The following ATXN1 variants were observed in gnomAD, a reference collection of about 807,000 sequenced individuals.
ATXN1 encodes the protein ataxin-1.
Under a neutral mutation model 56.4 loss-of-function variants are expected in ATXN1, and 8 were observed. That is an observed-to-expected ratio of 0.14 (90% CI 0.08 to 0.26). The LOEUF (loss-of-function observed/expected upper bound fraction) is 0.26. ATXN1 is among the 10% of genes least tolerant of loss of function. ATXN1 has a pLI of 1.00. For synonymous variants in ATXN1, 514 were observed against 494.6 expected, an observed-to-expected ratio of 1.04 and a Z score of -0.52; for missense variants, 987 against 1,106.5, an observed-to-expected ratio of 0.89 and a Z score of 1.53.
chr6:16,425,673 C>T lies in ATXN1; in HGVS notation c.-161+60299G>A, dbSNP rs531775415. ...AGATTTCCTAAGTTCTCATGCTATC[C>T]CACCTCCTGCTTGTGTTACTCACTA... On this transcript the variant is annotated intron_variant, in intron 6 of 7. Coordinates refer to ENST00000436367, the MANE Select transcript of ATXN1 (RefSeq NM_001128164.2). Among the ~76,000 whole-genome samples, 12 of 152,106 alleles carry T rather than the reference C, an allele frequency of 7.9e-5. No homozygotes were observed. In the South Asian group the frequency reaches 2.5e-3, roughly 32 times the overall value.
At chr6:16,493,392 C>A (rs1246406224) in intron 5 of ATXN1, among the ~76,000 whole-genome samples, 1 of 152,022 alleles carries the variant, frequency 6.6e-6, no homozygotes, top group African/African-American at 2.4e-5. Context: ...AGCTCAAATC[C>A]CACTTTTTCT....
At chr6:16,662,091 A>G (rs1758331726) in intron 2 of ATXN1, among the ~76,000 whole-genome samples, 1 of 152,174 alleles carries the variant, frequency 6.6e-6, no homozygotes, top group Admixed American at 6.5e-5. Flanking sequence ...ACAGTGGGAG[A>G]AACTGAGCCC....
chr6:16,397,076 T>C (rs1180888381), intron 6 of ATXN1, among the ~76,000 whole-genome samples: 1 of 152,204 alleles, frequency 6.6e-6, no homozygotes, highest in Non-Finnish European at 1.5e-5. Context: ...CATTATTAAG[T>C]GATGCACGAC....
At chr6:16,745,933 C>CGT (rs60773814) in intron 2 of ATXN1, among the ~76,000 whole-genome samples, 16,879 of 147,008 alleles carry the variant, frequency 0.11, 999 homozygotes, top group South Asian at 0.14. Flanking sequence ...CTATGCCTTC[C>CGT]GTGTGTGTGT....
chr6:16,521,328 C>T (rs1761283950), intron 5 of ATXN1, among the ~76,000 whole-genome samples: 1 of 152,210 alleles, frequency 6.6e-6, no homozygotes, highest in South Asian at 2.1e-4. Context: ...CTTTGGGAGG[C>T]CGAGGCGGAT....
intron 5 of ATXN1, among the ~76,000 whole-genome samples, chr6:16,510,116 C>T (rs138964995): frequency 1.3e-5 from 2 of 152,310 alleles, no homozygotes; most frequent in East Asian, 3.9e-4. Flanking sequence ...CTGTCTTATG[C>T]CATACTTATT....
rs190109004 is a variant in ATXN1 at position 16,413,767 on chromosome 6, C to T, written c.-161+72205G>A. On this transcript the variant is annotated intron_variant, in intron 6 of 7. Coordinates refer to ENST00000436367, the MANE Select transcript of ATXN1 (RefSeq NM_001128164.2). Reference sequence around the variant, plus strand: ...GTGGTGGTCTGGGCTTTTTTACTGACGCAATGGCCCACCTGATATAATTTT... The same window carrying T: ...GTGGTGGTCTGGGCTTTTTTACTGATGCAATGGCCCACCTGATATAATTTT... Among the ~76,000 whole-genome samples, 24 of 152,156 alleles carry T rather than the reference C, an allele frequency of 1.6e-4. No homozygotes were observed. The East Asian group carries it at 2.7e-3, about 17-fold the overall frequency.
chr6:16,713,543 G>C (rs1759570666), intron 2 of ATXN1, among the ~76,000 whole-genome samples: 1 of 152,174 alleles, frequency 6.6e-6, no homozygotes, highest in African/African-American at 2.4e-5. Context: ...ATTCCAGACA[G>C]GGAAAGAATC....
At chr6:16,589,332 G>A (rs1762682489) in intron 3 of ATXN1, among the ~76,000 whole-genome samples, 1 of 151,936 alleles carries the variant, frequency 6.6e-6, no homozygotes, top group Non-Finnish European at 1.5e-5. Context: ...GTACCCCAGA[G>A]TTTCGTACAG....
chr6:16,720,658 A>C (rs549030044), intron 2 of ATXN1, among the ~76,000 whole-genome samples: 11 of 152,314 alleles, frequency 7.2e-5, no homozygotes, highest in African/African-American at 2.6e-4. Flanking sequence ...TCTTCTATTA[A>C]AACTCAGTTG....
rs191078565 is a variant in ATXN1, at chr6:16,426,724, A to G, written c.-161+59248T>C. Among the ~76,000 whole-genome samples, 68 of 151,802 alleles carry G rather than the reference A, an allele frequency of 4.5e-4. 1 individual carries two copies. In the East Asian group the frequency reaches 9.3e-3, roughly 21 times the overall value. On this transcript the variant is annotated intron_variant, in intron 6 of 7. Coordinates refer to ENST00000436367, the MANE Select transcript of ATXN1 (RefSeq NM_001128164.2). Reference sequence around the variant, plus strand: ...TTAACCAAGCAGCCCCCATTTGTACATCTCTGTCTATCTCTGTCTCTCTGT... The same window carrying G: ...TTAACCAAGCAGCCCCCATTTGTACGTCTCTGTCTATCTCTGTCTCTCTGT...
chr6:16,423,350 G>A (rs1189402418), intron 6 of ATXN1, among the ~76,000 whole-genome samples: 7 of 152,270 alleles, frequency 4.6e-5, no homozygotes, highest in Non-Finnish European at 2.9e-5. Flanking sequence ...TAATTGAGAT[G>A]CTGTCATCAA....
chr6:16,604,256 C>A, intron 3 of ATXN1, among the ~76,000 whole-genome samples: 1 of 148,638 alleles, frequency 6.7e-6, no homozygotes, highest in African/African-American at 2.5e-5. Context: ...TTTGGAAGGC[C>A]AAGGAGGGAA....
At chr6:16,321,303 A>C (rs144371632) in intron 7 of ATXN1, among the ~76,000 whole-genome samples, 2 of 152,278 alleles carry the variant, frequency 1.3e-5, no homozygotes, top group African/African-American at 4.8e-5. Context: ...GAGGATATTA[A>C]GTGGATTATA....
intron 6 of ATXN1, among the ~76,000 whole-genome samples, chr6:16,366,367 C>T (rs938458852): frequency 8.5e-5 from 13 of 152,120 alleles, no homozygotes; most frequent in African/African-American, 3.1e-4. Flanking sequence ...GGCACCCTAT[C>T]CGCTGACCCC....
At chr6:16,699,774 T>C (rs1759243956) in intron 2 of ATXN1, among the ~76,000 whole-genome samples, 1 of 148,066 alleles carries the variant, frequency 6.8e-6, no homozygotes, top group Non-Finnish European at 1.5e-5. Context: ...TGATTCTGAG[T>C]AAGAATCAAC....
intron 6 of ATXN1, among the ~76,000 whole-genome samples, chr6:16,455,627 G>A (rs1368653675): frequency 1.3e-5 from 2 of 152,146 alleles, no homozygotes; most frequent in Admixed American, 1.3e-4. Context: ...AATGTTTATA[G>A]CAGCTTCATT....
intron 3 of ATXN1, among the ~76,000 whole-genome samples, chr6:16,647,288 C>G (rs1763817115): frequency 6.6e-6 from 1 of 152,182 alleles, no homozygotes; most frequent in Non-Finnish European, 1.5e-5. Flanking sequence ...AGGCGTGAGC[C>G]ACCGTGCCTG....
chr6:16,466,902 A>G (rs777810220), intron 6 of ATXN1, among the ~76,000 whole-genome samples: 1 of 152,224 alleles, frequency 6.6e-6, no homozygotes, highest in Non-Finnish European at 1.5e-5. Flanking sequence ...TGTTCTTTCC[A>G]TCTCATAACT....
Sources: gnomAD v4.1 joint callset for allele counts (sites outside exome capture counted in the v4.1 genomes callset) on GRCh38, gnomAD v4.1.1 for gene constraint, MANE v1.5 for transcripts, NCBI Gene and HGNC (gene_info 2026-07-23, HGNC 2026-07-21) for gene names.